Variants in ACOT1 observed in about 807,000 individuals in gnomAD.
ACOT1 encodes the protein acyl-CoA thioesterase 1.
ACOT1 carries 8 observed loss-of-function variants against 15.7 expected under a neutral mutation model. That is an observed-to-expected ratio of 0.51 (90% confidence interval 0.30 to 0.92). The LOEUF (loss-of-function observed/expected upper bound fraction) is 0.92. Among genes scored for constraint, ACOT1 ranks in the 40% least tolerant of loss-of-function variants. ACOT1 has a pLI of 0.06. For missense variants in ACOT1, 151 were observed against 539.4 expected, an observed-to-expected ratio of 0.28 and a Z score of 7.13; for synonymous variants, 67 against 241.2, an observed-to-expected ratio of 0.28 and a Z score of 6.69.
intron 1 of ACOT1, among the ~76,000 whole-genome samples, chr14:73,538,990 A>AT (rs563635242): frequency 8.6e-6 from 1 of 115,938 alleles, no homozygotes; most frequent in Non-Finnish European, 1.9e-5. Context: ...AAAACAAAAA[A>AT]CAAACAACAA....
At chr14:73,498,437 CCTTTT>C in the ACOT1 span, 1 of 1,100,882 alleles carries the variant, frequency 9.1e-7, no homozygotes, top group Non-Finnish European at 1.3e-6. Context: ...CAATACCTTC[CCTTTT>C]GGATGGTAAT....
At chr14:73,513,570 AC>A in the ACOT1 span, among the ~76,000 whole-genome samples, 4 of 151,894 alleles carry the variant, frequency 2.6e-5, no homozygotes, top group South Asian at 2.1e-4. Context: ...TACCAAAGAT[AC>A]AAAAAGTTAA....
the ACOT1 span, chr14:73,508,361 G>GT: frequency 4.1e-6 from 6 of 1,448,990 alleles, no homozygotes; most frequent in Non-Finnish European, 5.8e-6. Flanking sequence ...ACAGCCTTTG[G>GT]ATTGATACCC....
chr14:73,513,505 C>G, the ACOT1 span, among the ~76,000 whole-genome samples: 39 of 151,550 alleles, frequency 2.6e-4, no homozygotes, highest in African/African-American at 9.2e-4. Context: ...GCGGGCAGAT[C>G]ACCTGAGGTC....
chr14:73,496,037 C>T, the ACOT1 span, among the ~76,000 whole-genome samples: 5 of 151,540 alleles, frequency 3.3e-5, no homozygotes, highest in East Asian at 2.0e-4. Flanking sequence ...GGCTGAGGCA[C>T]GAGAATCACT....
the ACOT1 span, among the ~76,000 whole-genome samples, chr14:73,493,993 C>A: frequency 6.6e-6 from 1 of 152,156 alleles, no homozygotes; most frequent in East Asian, 1.9e-4. Context: ...TATGTTTTTG[C>A]TCACTGTTTG....
the ACOT1 span, chr14:73,514,142 T>C: frequency 6.2e-7 from 1 of 1,614,178 alleles, no homozygotes; most frequent in South Asian, 1.1e-5. Context: ...CTGGTCTTAA[T>C]AGGCACATCC....
the ACOT1 span, chr14:73,508,277 A>T: frequency 6.2e-7 from 1 of 1,613,992 alleles, no homozygotes; most frequent in Non-Finnish European, 8.5e-7. Flanking sequence ...GCTGCAGCCC[A>T]GCTATCCACA....
the ACOT1 span, among the ~76,000 whole-genome samples, chr14:73,524,310 A>AAAAAAATATATATATATATAT: frequency 1.8e-5 from 1 of 54,780 alleles, no homozygotes; most frequent in African/African-American, 8.8e-5. Context: ...AAAAAAAAAA[A>AAAAAAATATATATATATATAT]ATATATATAT....
At position 73,543,425 on chromosome 14, in the gene ACOT1, GGGA is replaced by G; in HGVS notation, c.1041_1043del (p.Arg348del). On this transcript the variant is annotated inframe_deletion, in exon 3 of 3. Coordinates refer to ENST00000311148, the MANE Select transcript of ACOT1 (RefSeq NM_001037161.2). ...GGCCTGTAAACGCTTGCAGGCCCATGGGAGGAGAAAGCCCCAGATCATCTGTTA... is the reference window on the plus strand; with the variant it reads ...GGCCTGTAAACGCTTGCAGGCCCATGGGAGAAAGCCCCAGATCATCTGTTA... 4 of 1,110,444 alleles carry G rather than the reference GGGA, an allele frequency of 3.6e-6. No individual in the cohort carries two copies. Among genetic ancestry groups the G allele is most frequent in the Non-Finnish European group, 5.2e-6 (4 of 774,038 alleles). The allele number at this position is 1,110,444 out of a possible 1,614,324, so 68.8% of individuals were successfully genotyped here.
the ACOT1 span, chr14:73,492,654 CAG>C: frequency 1.9e-6 from 3 of 1,613,976 alleles, no homozygotes; most frequent in Non-Finnish European, 2.5e-6. The surrounding 1 kb of genome is among the most constrained non-coding windows in gnomAD (Gnocchi z 4.9). Flanking sequence ...ACAACAGAAA[CAG>C]AAGTCCATAT....
upstream of ACOT1, among the ~76,000 whole-genome samples, chr14:73,533,620 A>C (rs1888775681): frequency 8.7e-6 from 1 of 115,060 alleles, no homozygotes; most frequent in African/African-American, 2.8e-5. Context: ...CGGAGGTTTC[A>C]GTGAGCTGAG....
chr14:73,492,435 G>A, the ACOT1 span: 3 of 1,613,738 alleles, frequency 1.9e-6, no homozygotes, highest in Non-Finnish European at 2.5e-6. This position sits in a 1 kb window ranked among gnomAD's most constrained non-coding sequence, Gnocchi z 4.9. Flanking sequence ...AAGGATCCGC[G>A]AAGAACCGCT....
the ACOT1 span, among the ~76,000 whole-genome samples, chr14:73,503,855 CAT>C: frequency 6.6e-6 from 1 of 152,146 alleles, no homozygotes; most frequent in Non-Finnish European, 1.5e-5. Context: ...TGAAAAGACT[CAT>C]AGACATACTG....
the ACOT1 span, among the ~76,000 whole-genome samples, chr14:73,509,862 A>T: frequency 0.016 from 1,014 of 63,122 alleles, 117 homozygotes; most frequent in African/African-American, 0.064. Context: ...ATATATATAT[A>T]TATATATTTA....
At chr14:73,509,493 G>A in the ACOT1 span, 1 of 1,612,744 alleles carries the variant, frequency 6.2e-7, no homozygotes, top group South Asian at 1.1e-5. Context: ...AAAGAGCCAG[G>A]TAAGAGAGTA....
the ACOT1 span, chr14:73,522,249 A>C: frequency 6.2e-7 from 1 of 1,601,182 alleles, no homozygotes. Flanking sequence ...TCAAAGGTGC[A>C]CTTGAGGCCC....
At chr14:73,502,863 A>AAT in the ACOT1 span, 7 of 1,525,432 alleles carry the variant, frequency 4.6e-6, no homozygotes, top group East Asian at 1.4e-4. Context: ...AAGAATTTAG[A>AAT]AGAGTGTCTC....
At chr14:73,523,243 G>A in the ACOT1 span, 3 of 1,235,942 alleles carry the variant, frequency 2.4e-6, no homozygotes, top group African/African-American at 4.5e-5. Context: ...GGAATGGGAG[G>A]AACTGATGAG....
Sources: gnomAD v4.1 joint callset for allele counts (sites outside exome capture counted in the v4.1 genomes callset) on GRCh38, gnomAD v4.1.1 for gene constraint, Gnocchi (gnomAD v3.1) non-coding constraint, MANE v1.5 for transcripts, NCBI Gene and HGNC (gene_info 2026-07-23, HGNC 2026-07-21) for gene names.